PLXNC1: variants seen among roughly 807,000 people sequenced by gnomAD.
PLXNC1 encodes plexin C1.
In PLXNC1, 75 loss-of-function variants were observed where a neutral mutation model predicts 178.2. The observed-to-expected ratio is 0.42, with a 90% confidence interval of 0.35 to 0.51. The LOEUF (loss-of-function observed/expected upper bound fraction) is 0.51. PLXNC1 is among the 20% of genes least tolerant of loss of function. PLXNC1 has a pLI of 0.02. For synonymous variants in PLXNC1, 790 were observed against 779.9 expected (o/e 1.01, Z -0.22); for missense variants, 1,503 against 1,984.4 (o/e 0.76, Z 4.61).
At chr12:94,231,193 T>C (rs1196924205) in intron 9 of PLXNC1, among the ~76,000 whole-genome samples, 2 of 152,158 alleles carry the variant, frequency 1.3e-5, no homozygotes, top group African/African-American at 4.8e-5. Context: ...GATGGATGGA[T>C]TGATTGCTGG....
chr12:94,270,467 TCCCACAAA>T (rs904656995), intron 21 of PLXNC1, among the ~76,000 whole-genome samples: 12 of 152,092 alleles, frequency 7.9e-5, no homozygotes, highest in Non-Finnish European at 1.3e-4. Context: ...GAATCCTCCC[TCCCACAAA>T]CCCACAAACA....
At chr12:94,215,870 A>G (rs1381844796) in intron 5 of PLXNC1, among the ~76,000 whole-genome samples, 2 of 152,206 alleles carry the variant, frequency 1.3e-5, no homozygotes, top group East Asian at 1.9e-4. Context: ...ATGAAGTTGA[A>G]CATAATTTGA....
intron 1 of PLXNC1, among the ~76,000 whole-genome samples, chr12:94,154,184 A>T (rs10507030): frequency 0.17 from 25,500 of 152,166 alleles, 2,242 homozygotes; most frequent in East Asian, 0.28. Flanking sequence ...GTTGATTCTC[A>T]TTCACCATAT....
chr12:94,178,080 T>C (rs1469680158), intron 2 of PLXNC1, among the ~76,000 whole-genome samples: 2 of 152,234 alleles, frequency 1.3e-5, no homozygotes, highest in African/African-American at 4.8e-5. Flanking sequence ...TTCAAATTGG[T>C]ATCTGCACAA....
chr12:94,234,037 T>C (rs1281628517), intron 9 of PLXNC1, among the ~76,000 whole-genome samples: 6 of 152,178 alleles, frequency 3.9e-5, no homozygotes, highest in Non-Finnish European at 8.8e-5. Flanking sequence ...ATGTGACTTT[T>C]TATCTAGTCC....
chr12:94,162,911 C>A (rs1961442169), intron 1 of PLXNC1, among the ~76,000 whole-genome samples: 1 of 152,134 alleles, frequency 6.6e-6, no homozygotes, highest in Admixed American at 6.5e-5. Context: ...GAGACTTTCA[C>A]AGTAGTCAAC....
At chr12:94,252,231 C>T (rs1204425739) in intron 15 of PLXNC1, among the ~76,000 whole-genome samples, 1 of 152,174 alleles carries the variant, frequency 6.6e-6, no homozygotes, top group African/African-American at 2.4e-5. Flanking sequence ...TCACCCCAGC[C>T]TCATTTCAGT....
intron 4 of PLXNC1, among the ~76,000 whole-genome samples, chr12:94,202,445 G>A (rs148965863): frequency 1.6e-3 from 243 of 152,364 alleles, no homozygotes; most frequent in Non-Finnish European, 2.3e-3. Flanking sequence ...TTACAGTGTA[G>A]CTGGAGAGAC....
At chr12:94,248,567 T>C (rs1964594282) in intron 14 of PLXNC1, among the ~76,000 whole-genome samples, 155 bp downstream of exon 14, 1 of 152,194 alleles carries the variant, frequency 6.6e-6, no homozygotes, top group African/African-American at 2.4e-5. Context: ...CCAAGCAAAA[T>C]AGCTCCAAAA....
At chr12:94,168,000 C>T (rs965742044) in intron 1 of PLXNC1, 1 of 152,142 alleles carries the variant, frequency 6.6e-6, no homozygotes, top group Non-Finnish European at 1.5e-5. Context: ...GTTAATGAAA[C>T]TTGGTGGGTT....
chr12:94,217,144 G>T (rs1366863887), intron 5 of PLXNC1, among the ~76,000 whole-genome samples: 1 of 152,156 alleles, frequency 6.6e-6, no homozygotes, highest in Non-Finnish European at 1.5e-5. Flanking sequence ...TGAACTCCAT[G>T]CAGCCATTCC....
At chr12:94,277,248 A>G (rs1565849886) in intron 21 of PLXNC1, 1 of 152,228 alleles carries the variant, frequency 6.6e-6, no homozygotes, top group Non-Finnish European at 1.5e-5. Context: ...TTATAAGGGC[A>G]CTAATCCCAT....
chr12:94,200,335 C>T (rs565352366), intron 4 of PLXNC1, among the ~76,000 whole-genome samples: 2 of 152,354 alleles, frequency 1.3e-5, no homozygotes, highest in Admixed American at 1.3e-4. Flanking sequence ...AATGTTTTCA[C>T]TTGTCTCTGT....
chr12:94,186,799 C>G (rs1279289704), intron 4 of PLXNC1: 1 of 248,764 alleles, frequency 4.0e-6, no homozygotes, highest in Non-Finnish European at 8.1e-6. Context: ...GCAAAAGGGC[C>G]CCCCCTCCGA....
chr12:94,254,612 T>C, intron 15 of PLXNC1, 175 bp from the exon 16 acceptor site: 1 of 704,980 alleles, frequency 1.4e-6, no homozygotes, highest in Non-Finnish European at 2.6e-6. Flanking sequence ...TGGGAAATTT[T>C]CTTATAAGAT....
At chr12:94,223,206 G>A (rs1963842977) in intron 6 of PLXNC1, among the ~76,000 whole-genome samples, 1 of 152,162 alleles carries the variant, frequency 6.6e-6, no homozygotes, top group African/African-American at 2.4e-5. Context: ...TTGAGGTCAG[G>A]AGTTCAAGAC....
At chr12:94,282,593 C>T (rs976483155) in intron 23 of PLXNC1, among the ~76,000 whole-genome samples, 192 bp downstream of exon 23, 6 of 152,222 alleles carry the variant, frequency 3.9e-5, no homozygotes, top group African/African-American at 7.2e-5. Context: ...GTACTTGTCA[C>T]GTATTCCCTT....
chr12:94,247,615 TTTCA>T (rs759989087), intron 12 of PLXNC1, among the ~76,000 whole-genome samples: 13 of 152,206 alleles, frequency 8.5e-5, no homozygotes, highest in Non-Finnish European at 1.6e-4. Context: ...TTCCAGCTGC[TTTCA>T]TTGTCACTCA....
rs539390346 is a variant in PLXNC1 at position 94,289,287 on chromosome 12, A to G, written c.3880-5199A>G. Among the ~76,000 whole-genome samples the G allele has an allele frequency of 1.6e-4, 25 of 152,332 alleles. No homozygotes were observed. In the South Asian group the frequency reaches 5.2e-3, roughly 32 times the overall value. On this transcript the variant is annotated intron_variant, in intron 23 of 30. Coordinates refer to ENST00000258526, the MANE Select transcript of PLXNC1 (RefSeq NM_005761.3). ...CAACTTCTCATTCTAATGATGGGAA[A>G]GTCTACAGTCATCTCTGCCACTTCT...
Sources: allele counts gnomAD v4.1 joint callset (sites outside exome capture counted in the v4.1 genomes callset), GRCh38; gene constraint gnomAD v4.1.1; transcripts MANE v1.5; gene names NCBI Gene and HGNC (gene_info 2026-07-23, HGNC 2026-07-21).